The following TFPI variants were observed in gnomAD, a reference collection of about 807,000 sequenced individuals.
TFPI encodes anti-convertin.
Under a neutral mutation model 34.6 loss-of-function variants are expected in TFPI, and 15 were observed. That is an observed-to-expected ratio of 0.43 (90% CI 0.29 to 0.67). The LOEUF is 0.67. Ranked by LOEUF, TFPI falls within the 30% of genes least tolerant of loss-of-function variation. The probability of loss-of-function intolerance (pLI) is 0.15; values close to 1 mark genes in which losing one functional copy is unlikely to be tolerated. For synonymous variants in TFPI, 105 were observed against 120.1 expected, an observed-to-expected ratio of 0.87 and a Z score of 0.82; for missense variants, 301 against 364.0, an observed-to-expected ratio of 0.83 and a Z score of 1.41.
intron 7 of TFPI, 61 bp downstream of exon 7, chr2:187,467,692 C>T: frequency 7.4e-7 from 1 of 1,354,542 alleles, no homozygotes. Context: ...AATAGATTAT[C>T]ATTTCAATTC....
intron 1 of TFPI, among the ~76,000 whole-genome samples, chr2:187,533,370 T>C (rs1688073090): frequency 6.6e-6 from 1 of 152,104 alleles, no homozygotes; most frequent in South Asian, 2.1e-4. Flanking sequence ...GAGGAAGGAA[T>C]AGCAGTAATC....
chr2:187,496,042 G>A (rs1685452224), intron 3 of TFPI, among the ~76,000 whole-genome samples: 1 of 151,968 alleles, frequency 6.6e-6, no homozygotes, highest in Admixed American at 6.6e-5. Flanking sequence ...TTGCAAAAAT[G>A]TTAAATTTTA....
chr2:187,512,277 TAAA>T (rs143585752), intron 1 of TFPI, among the ~76,000 whole-genome samples: 9 of 110,328 alleles, frequency 8.2e-5, no homozygotes, highest in East Asian at 2.5e-4. Context: ...TATCCTAAGT[TAAA>T]AAAAAAAAAA....
chr2:187,498,018 G>C (rs1226447877), intron 2 of TFPI, among the ~76,000 whole-genome samples: 1 of 151,552 alleles, frequency 6.6e-6, no homozygotes, highest in Non-Finnish European at 1.5e-5. Flanking sequence ...AATCTCTTAT[G>C]GGGAATATTG....
At chr2:187,539,504 A>G (rs1011059701) in intron 1 of TFPI, among the ~76,000 whole-genome samples, 1 of 152,190 alleles carries the variant, frequency 6.6e-6, no homozygotes, top group African/African-American at 2.4e-5. Flanking sequence ...GAGGCTATTA[A>G]GCCTATTTGT....
chr2:187,531,558 C>T (rs1221236365), intron 1 of TFPI, among the ~76,000 whole-genome samples: 8 of 151,924 alleles, frequency 5.3e-5, no homozygotes, highest in Non-Finnish European at 1.0e-4. Context: ...TTAAAAATAT[C>T]GATAGCATAT....
chr2:187,485,574 T>C (rs973304847), intron 4 of TFPI, among the ~76,000 whole-genome samples: 17 of 151,756 alleles, frequency 1.1e-4, no homozygotes, highest in Admixed American at 1.1e-3. Context: ...ATTTTTTCCT[T>C]CTTCTTGTCA....
At chr2:187,518,790 T>G (rs191004348) in intron 1 of TFPI, 6 of 152,308 alleles carry the variant, frequency 3.9e-5, no homozygotes, top group Admixed American at 3.3e-4. Context: ...CAAACGTAGA[T>G]TTGGTCTTTT....
intron 1 of TFPI, among the ~76,000 whole-genome samples, chr2:187,553,490 G>C (rs1337595853): frequency 6.6e-6 from 1 of 151,938 alleles, no homozygotes; most frequent in Non-Finnish European, 1.5e-5. Context: ...GTTTACTGCT[G>C]TATTATATGC....
chr2:187,495,330 G>T (rs1685401177), intron 3 of TFPI, among the ~76,000 whole-genome samples: 1 of 152,138 alleles, frequency 6.6e-6, no homozygotes, highest in African/African-American at 2.4e-5. Flanking sequence ...TCTAGCCAAG[G>T]TACTGACAAC....
At position 187,467,864 on chromosome 2, in the gene TFPI, A is replaced by G; in HGVS notation, c.697T>C (p.Phe233Leu). The part of the protein sequence containing the change: ...RGLCRANENR[F>L]YYNSVIGKCR... ...TTCCCAATGACTGAATTGTAGTAGAATCTGTTCTCATTGGCACGACACAAT... is the reference window on the plus strand; with the variant it reads ...TTCCCAATGACTGAATTGTAGTAGAGTCTGTTCTCATTGGCACGACACAAT... Residue 233 changes from phenylalanine to leucine, a missense_variant, in exon 7 of 8, where the codon TTC becomes CTC. Physicochemically the swap from Phe to Leu is conservative, Grantham distance 22. Coordinates refer to ENST00000233156, the MANE Select transcript of TFPI (RefSeq NM_006287.6). The G allele has an allele frequency of 6.2e-7, 1 of 1,612,716 alleles. No individual in the cohort carries two copies. The highest frequency in any genetic ancestry group is 8.5e-7 in the Non-Finnish European group (1 of 1,179,346).
In TFPI at chr2:187,488,345, A is replaced by G; in HGVS notation, c.350T>C (p.Leu117Ser). The G allele has an allele frequency of 6.4e-7, 1 of 1,568,522 alleles. No individual in the cohort carries two copies. Among genetic ancestry groups the G allele is most frequent in the Non-Finnish European group, 8.6e-7 (1 of 1,163,006 alleles). ...DNANRIIKTTLQQEKPDFCFL... is the reference protein window; with the variant it reads ...DNANRIIKTTSQQEKPDFCFL... ...GACAAATAAATGTTCACCTTGTTGC[A>G]ATGTTGTCTTTATAATCCTGTTTGC... is the stretch of plus-strand genomic sequence containing the variant. Residue 117 changes from leucine to serine, a missense_variant, in exon 4 of 8, where the codon TTG (leucine) becomes TCG (serine). By Grantham distance (145) the Leu-to-Ser change is moderately radical. Coordinates refer to ENST00000233156, the MANE Select transcript of TFPI (RefSeq NM_006287.6).
intron 6 of TFPI, among the ~76,000 whole-genome samples, chr2:187,472,376 T>C (rs1295844964): frequency 6.6e-6 from 1 of 152,210 alleles, no homozygotes; most frequent in Non-Finnish European, 1.5e-5. Context: ...GTTCAGGTGC[T>C]TCCAGAGGAC....
intron 1 of TFPI, among the ~76,000 whole-genome samples, chr2:187,507,176 G>A (rs930091829): frequency 6.6e-6 from 1 of 152,042 alleles, no homozygotes; most frequent in African/African-American, 2.4e-5. Context: ...TTCTGTTCCT[G>A]TGTTAGTTTG....
chr2:187,544,565 C>T (rs1231533199), intron 1 of TFPI: 1 of 149,602 alleles, frequency 6.7e-6, no homozygotes, highest in African/African-American at 2.5e-5. Flanking sequence ...AGCTTGAGCC[C>T]AGGGGGCGAA....
chr2:187,539,521 G>A (rs963808073), intron 1 of TFPI, among the ~76,000 whole-genome samples: 4 of 152,154 alleles, frequency 2.6e-5, no homozygotes, highest in African/African-American at 9.7e-5. Flanking sequence ...TTGTGTTTAC[G>A]AGTGAAGATA....
chr2:187,532,845 C>G (rs1688039689), intron 1 of TFPI, among the ~76,000 whole-genome samples: 1 of 152,160 alleles, frequency 6.6e-6, no homozygotes, highest in South Asian at 2.1e-4. Flanking sequence ...AATTCTTGCT[C>G]CTAGCACAGC....
At chr2:187,479,637 G>C (rs1413561262) in intron 6 of TFPI, among the ~76,000 whole-genome samples, 3 of 141,654 alleles carry the variant, frequency 2.1e-5, no homozygotes, top group Non-Finnish European at 3.0e-5. Flanking sequence ...TATTTTTGTA[G>C]AGTCACCAAA....
At chr2:187,468,744 T>G (rs1422189377) in intron 6 of TFPI, among the ~76,000 whole-genome samples, 1 of 152,076 alleles carries the variant, frequency 6.6e-6, no homozygotes, top group African/African-American at 2.4e-5. Context: ...AATGTTAGTT[T>G]TTAGCTCTCT....
Sources: gnomAD v4.1 joint callset for allele counts (sites outside exome capture counted in the v4.1 genomes callset) on GRCh38, gnomAD v4.1.1 for gene constraint, MANE v1.5 for transcripts, NCBI Gene and HGNC (gene_info 2026-07-23, HGNC 2026-07-21) for gene names.